DNM1: variants seen among roughly 807,000 people sequenced by gnomAD.
DNM1 encodes dynamin-1.
A neutral mutation model predicts 104.6 loss-of-function variants in DNM1; 29 were observed. The ratio of observed to expected loss-of-function variants is 0.28; its 90% CI spans 0.21 to 0.38. DNM1 has a LOEUF of 0.38. Ranked by LOEUF, DNM1 falls within the 10% of genes least tolerant of loss-of-function variation. The pLI is 1.00. For missense variants in DNM1, 640 were observed against 1,189.4 expected (o/e 0.54, Z 6.79); for synonymous variants, 445 against 475.8 (o/e 0.94, Z 0.84).
intron 10 of DNM1, among the ~76,000 whole-genome samples, chr9:128,229,053 T>C (rs1207794975): frequency 6.6e-6 from 1 of 151,292 alleles, no homozygotes; most frequent in African/African-American, 2.4e-5. Context: ...AATAGGAAAA[T>C]GGTTAAGTAA....
chr9:128,254,361 C>T lies in DNM1; in HGVS notation c.2535-293C>T, dbSNP rs549956722. The stretch of plus-strand genomic sequence containing the variant: ...GGGGGCCGAGCATCAGCCTGAATTG[C>T]GGGTGCCCTGCCTGGGTGCCGTGTG... On this transcript the variant is annotated intron_variant, in intron 21 of 21. Transcript: ENST00000372923. The surrounding 1 kb of genome is among the most constrained non-coding windows in gnomAD (Gnocchi z 6.1). The T allele has an allele frequency of 9.2e-6, 13 of 1,406,058 alleles. No homozygotes were observed. In the African/African-American group the frequency reaches 1.3e-4, roughly 14 times the overall value. 87.1% of individuals were successfully genotyped at this position (1,406,058 alleles called of 1,614,324 possible). A position where few individuals can be genotyped will look rare whatever the true frequency, so the allele number is the denominator to read the frequency against.
intron 15 of DNM1, among the ~76,000 whole-genome samples, chr9:128,246,025 G>A (rs1836784898): frequency 6.6e-6 from 1 of 152,234 alleles, no homozygotes; most frequent in South Asian, 2.1e-4. Context: ...CTGCAGTCAG[G>A]AAATGAAGTC....
chr9:128,206,957 G>A (rs547134882), intron 1 of DNM1, among the ~76,000 whole-genome samples: 21 of 152,206 alleles, frequency 1.4e-4, no homozygotes, highest in African/African-American at 4.8e-4. Context: ...GGGGTAGTGG[G>A]GGGCCTGGAC....
rs776700608 is a variant in DNM1 at position 128,224,443 on chromosome 9, T to C, written c.1335+54T>C. On this transcript the variant is annotated intron_variant, in intron 10 of 21. Coordinates refer to ENST00000372923, the MANE Select transcript of DNM1 (RefSeq NM_004408.4). This position sits in a 1 kb window ranked among gnomAD's most constrained non-coding sequence, Gnocchi z 4.3. ...CCGCCTCTGCCCCGCCCTGCACTGC[T>C]GCCAGGCGCTCCTTCCCCATGTCCC... The C allele has an allele frequency of 1.9e-6, 3 of 1,544,736 alleles. No homozygotes were observed. In the African/African-American group the frequency reaches 4.1e-5, roughly 21 times the overall value.
intron 13 of DNM1, 98 bp from the exon 14 acceptor site, chr9:128,239,887 C>A: frequency 6.3e-6 from 10 of 1,575,838 alleles, no homozygotes; most frequent in Non-Finnish European, 8.7e-6. Context: ...GGCCAGGGAC[C>A]TGTCAGCTGC....
chr9:128,220,692 T>C lies in DNM1; in HGVS notation c.849+351T>C, dbSNP rs1834887232. On this transcript the variant is annotated intron_variant, in intron 6 of 21. Coordinates refer to ENST00000372923, the MANE Select transcript of DNM1 (RefSeq NM_004408.4). The surrounding 1 kb of genome is among the most constrained non-coding windows in gnomAD (Gnocchi z 5.2). Reference sequence around the variant, plus strand: ...GGAATCCCAGGGGCTTCCCCAGGACTTTTCTCCATCTGGAATGGGGCATCC... The same window carrying C: ...GGAATCCCAGGGGCTTCCCCAGGACCTTTCTCCATCTGGAATGGGGCATCC... Among the ~76,000 whole-genome samples the C allele has an allele frequency of 6.7e-6, 1 of 149,204 alleles. No homozygotes were observed.
At chr9:128,205,800 G>T (rs1444270673) in intron 1 of DNM1, among the ~76,000 whole-genome samples, 5 of 152,182 alleles carry the variant, frequency 3.3e-5, no homozygotes, top group African/African-American at 1.2e-4. Flanking sequence ...TGACGCAGGG[G>T]CCATCCCTGA....
intron 1 of DNM1, among the ~76,000 whole-genome samples, chr9:128,213,473 AC>A (rs1372760173): frequency 9.2e-6 from 1 of 108,206 alleles, no homozygotes; most frequent in Non-Finnish European, 1.8e-5. Context: ...AAAGTCATCA[AC>A]CCTTGGATTG....
intron 15 of DNM1, among the ~76,000 whole-genome samples, 176 bp from the exon 16 acceptor site, chr9:128,246,218 G>C (rs1371053188): frequency 2.0e-5 from 3 of 152,188 alleles, no homozygotes. Flanking sequence ...CTCTGCGGGG[G>C]TCGGCGGTGC....
In DNM1 at chr9:128,248,763, C is replaced by T; in HGVS notation, c.2076+10C>T. Reference sequence around the variant, plus strand: ...CCTCATGATTAACAATGTGCGTGCTCCACTGCATGGGGGCAGGGAAATCCT... The same window carrying T: ...CCTCATGATTAACAATGTGCGTGCTTCACTGCATGGGGGCAGGGAAATCCT... On this transcript the variant is annotated intron_variant, in intron 19 of 21. Coordinates refer to ENST00000372923, the MANE Select transcript of DNM1 (RefSeq NM_004408.4). The surrounding 1 kb of genome is among the most constrained non-coding windows in gnomAD (Gnocchi z 5.6). 6.2e-7 allele frequency: 1 copy of T among 1,609,308 alleles called. No individual in the cohort carries two copies. Among genetic ancestry groups the T allele is most frequent in the Non-Finnish European group, 8.5e-7 (1 of 1,176,000 alleles).
chr9:128,229,881 C>T (rs1198442846), intron 10 of DNM1, among the ~76,000 whole-genome samples: 1 of 151,824 alleles, frequency 6.6e-6, no homozygotes, highest in Non-Finnish European at 1.5e-5. Context: ...CCACTGCACT[C>T]CAGCCTGGGT....
chr9:128,242,049 C>T (rs1302751822), intron 14 of DNM1, among the ~76,000 whole-genome samples, 183 bp from the exon 15 acceptor site: 1 of 152,222 alleles, frequency 6.6e-6, no homozygotes, highest in East Asian at 1.9e-4. Flanking sequence ...CTGCCTTCCT[C>T]TGTCTTCCAC....
At chr9:128,250,651 C>A in intron 20 of DNM1, 74 bp from the exon 21 acceptor site, 1 of 1,274,648 alleles carries the variant, frequency 7.8e-7, no homozygotes, top group Non-Finnish European at 1.0e-6. Context: ...CAGCACTGGG[C>A]TGGGGCGGGG....
At chr9:128,205,355 A>C (rs1292348297) in intron 1 of DNM1, among the ~76,000 whole-genome samples, 1 of 152,106 alleles carries the variant, frequency 6.6e-6, no homozygotes, top group African/African-American at 2.4e-5. Context: ...GCATCTACTG[A>C]GCCCATCCCA....
chr9:128,226,872 C>G (rs1835372710), intron 10 of DNM1, among the ~76,000 whole-genome samples: 2 of 152,132 alleles, frequency 1.3e-5, no homozygotes, highest in South Asian at 4.1e-4. Context: ...CCTGCAGGAG[C>G]TTCTCCAGCA....
chr9:128,220,583 C>G lies in DNM1; in HGVS notation c.849+242C>G, dbSNP rs985505564. 1.3e-5 allele frequency among the ~76,000 whole-genome samples: 2 copies of G among 152,154 alleles called. No individual in the cohort carries two copies. Among genetic ancestry groups the G allele is most frequent in the African/African-American group, 4.8e-5 (2 of 41,444 alleles). On this transcript the variant is annotated intron_variant, in intron 6 of 21. Transcript: ENST00000372923. This position sits in a 1 kb window ranked among gnomAD's most constrained non-coding sequence, Gnocchi z 5.2. ...TGGAAGTCCCCAACACAGAGAAGGC[C>G]AAGACCTATGTGGAGGGTGTCATGG...
chr9:128,218,503 C>A lies in DNM1; in HGVS notation c.236-79C>A. On this transcript the variant is annotated intron_variant, in intron 2 of 21. Transcript: ENST00000372923. The surrounding 1 kb of genome is among the most constrained non-coding windows in gnomAD (Gnocchi z 4.8). ...TGGGTGTGTCTAGGGGGTTCTATTA[C>A]CGGTGGGAGATGAAAACCCCCAGGT... 6.6e-7 allele frequency: 1 copy of A among 1,521,808 alleles called. No individual in the cohort carries two copies. Among genetic ancestry groups the A allele is most frequent in the Non-Finnish European group, 9.0e-7 (1 of 1,112,402 alleles). 94.3% of individuals were successfully genotyped at this position (1,521,808 alleles called of 1,614,324 possible). A position where few individuals can be genotyped will look rare whatever the true frequency, so the allele number is the denominator to read the frequency against.
rs1836725058 is a variant in DNM1 at position 128,245,372 on chromosome 9, T to C, written c.1672-1022T>C. ...TAGGCAAGGCTCATGCCCAACCTCTTTGAGTCCCCGAGGCCCACACAGACG... is the reference window on the plus strand; with the variant it reads ...TAGGCAAGGCTCATGCCCAACCTCTCTGAGTCCCCGAGGCCCACACAGACG... On this transcript the variant is annotated intron_variant, in intron 15 of 21. Transcript: ENST00000372923. The surrounding 1 kb of genome is among the most constrained non-coding windows in gnomAD (Gnocchi z 5.2). 2.0e-5 allele frequency among the ~76,000 whole-genome samples: 3 copies of C among 151,458 alleles called. No homozygotes were observed. Among genetic ancestry groups the C allele is most frequent in the Non-Finnish European group, 4.4e-5 (3 of 67,822 alleles).
intron 1 of DNM1, among the ~76,000 whole-genome samples, chr9:128,206,234 C>T (rs1212959677): frequency 6.6e-6 from 1 of 152,140 alleles, no homozygotes; most frequent in Non-Finnish European, 1.5e-5. Flanking sequence ...TCAGGGCTGC[C>T]CCAGGCCCAC....
Sources: gnomAD v4.1 joint callset for allele counts (sites outside exome capture counted in the v4.1 genomes callset) on GRCh38, gnomAD v4.1.1 for gene constraint, Gnocchi (gnomAD v3.1) non-coding constraint, MANE v1.5 for transcripts, NCBI Gene and HGNC (gene_info 2026-07-23, HGNC 2026-07-21) for gene names.